The following LYST variants were observed in gnomAD, a reference collection of about 807,000 sequenced individuals.
LYST encodes lysosomal-trafficking regulator.
LYST carries 192 observed loss-of-function variants against 413.6 expected under a neutral mutation model. The observed-to-expected ratio is 0.46, with a 90% CI of 0.41 to 0.52. The LOEUF is 0.52. LYST is among the 20% of genes least tolerant of loss of function. The probability of loss-of-function intolerance (pLI) is 0.00; values close to 1 mark genes in which losing one functional copy is unlikely to be tolerated. For missense variants in LYST, 3,815 were observed against 4,499.9 expected, an observed-to-expected ratio of 0.85 and a Z score of 4.35; for synonymous variants, 1,525 against 1,567.3, an observed-to-expected ratio of 0.97 and a Z score of 0.64.
intron 1 of LYST, among the ~76,000 whole-genome samples, chr1:235,842,162 G>C (rs547586352): frequency 6.6e-6 from 1 of 152,076 alleles, no homozygotes; most frequent in African/African-American, 2.4e-5. Flanking sequence ...GGGACCCAAG[G>C]GTATGGGTGG....
At chr1:235,670,517 G>T (rs1166915576) in intron 50 of LYST, among the ~76,000 whole-genome samples, 1 of 152,156 alleles carries the variant, frequency 6.6e-6, no homozygotes, top group Non-Finnish European at 1.5e-5. Flanking sequence ...GAGGAGACGT[G>T]TCTCACTGCA....
chr1:235,778,676 C>T lies in LYST; in HGVS notation c.5215-1368G>A, dbSNP rs563233964. On this transcript the variant is annotated intron_variant, in intron 16 of 52. Coordinates refer to ENST00000389793, the MANE Select transcript of LYST (RefSeq NM_000081.4). Reference sequence around the variant, plus strand: ...TGCTGGGATTACAAGCATGAGCCACCGTGCCTGGCCTGTGCTTTATTTATG... The same window carrying T: ...TGCTGGGATTACAAGCATGAGCCACTGTGCCTGGCCTGTGCTTTATTTATG... Among the ~76,000 whole-genome samples the T allele has an allele frequency of 1.8e-4, 28 of 152,092 alleles. No individual in the cohort carries two copies. In the South Asian group the frequency reaches 5.0e-3, roughly 27 times the overall value.
chr1:235,715,536 C>A (rs945191984), intron 41 of LYST, among the ~76,000 whole-genome samples, 179 bp from the exon 42 acceptor site: 3 of 152,054 alleles, frequency 2.0e-5, no homozygotes, highest in African/African-American at 7.2e-5. Flanking sequence ...GGAGTCTTCT[C>A]CTTGGTGCCT....
intron 14 of LYST, 135 bp downstream of exon 14, chr1:235,787,062 AAAC>A: frequency 3.0e-6 from 2 of 670,298 alleles, no homozygotes; most frequent in Non-Finnish European, 5.0e-6. Context: ...ATAAAAAAAG[AAAC>A]AACAAAAAAT....
Position 235,753,370 on chromosome 1 carries a change from AAGT to A in LYST, c.7230-99_7230-97del, listed in dbSNP as rs1057485874. On this transcript the variant is annotated intron_variant, in intron 25 of 52. Transcript: ENST00000389793. ...GGGTCATCTTGCTAACTTGATTTTG[AAGT>A]CATAAAAACAAGTTGGGGGAGTAAG... 138 of 794,396 alleles carry A rather than the reference AAGT, an allele frequency of 1.7e-4. No individual in the cohort carries two copies. In the African/African-American group the frequency reaches 1.9e-3, roughly 11 times the overall value. The allele number at this position is 794,396 out of a possible 1,614,324, so 49.2% of individuals were successfully genotyped here.
intron 34 of LYST, 119 bp from the exon 35 acceptor site, chr1:235,731,296 C>A: frequency 1.2e-6 from 1 of 864,714 alleles, no homozygotes; most frequent in Non-Finnish European, 2.0e-6. Flanking sequence ...TTAAAAACTC[C>A]AAATGTTTAT....
chr1:235,877,823 T>A (rs1267318289), intron 1 of LYST, among the ~76,000 whole-genome samples: 1 of 143,844 alleles, frequency 7.0e-6, no homozygotes, highest in Non-Finnish European at 1.5e-5. Context: ...AAATGTATGA[T>A]CTATTCGGAA....
chr1:235,733,369 A>G (rs1433083580), intron 34 of LYST, 134 bp downstream of exon 34: 12 of 770,234 alleles, frequency 1.6e-5, no homozygotes, highest in South Asian at 3.3e-5. Context: ...TGAAAAAAAC[A>G]TCACAAATGA....
At chr1:235,732,723 G>A (rs79542484) in intron 34 of LYST, among the ~76,000 whole-genome samples, 6,231 of 152,150 alleles carry the variant, frequency 0.041, 423 homozygotes, top group African/African-American at 0.14. Context: ...ATATTTTCCC[G>A]TGTGTTTGGT....
rs148076658 is a variant in LYST at position 235,700,971 on chromosome 1, G to A, written c.10374+1776C>T. Among the ~76,000 whole-genome samples the A allele has an allele frequency of 9.2e-5, 14 of 152,306 alleles. No individual in the cohort carries two copies. In the East Asian group the frequency reaches 2.1e-3, roughly 23 times the overall value. ...TATACACCAAAACAAAGAAGGGGAAGGGATCTGAGGATGACGGAACAGCTG... is the reference window on the plus strand; with the variant it reads ...TATACACCAAAACAAAGAAGGGGAAAGGATCTGAGGATGACGGAACAGCTG... On this transcript the variant is annotated intron_variant, in intron 45 of 52. Transcript: ENST00000389793.
In LYST at chr1:235,791,885, T is replaced by C. The variant is rs1391535167; in HGVS notation, c.4357A>G (p.Ile1453Val). The stretch of plus-strand genomic sequence containing the variant: ...AGCAACGGCAGGTGGACTGGGGCTA[T>C]GTGCCAAGATGAAAGCAGCCGATGG... ...FPHRLLSSWH[I>V]APVHLPLLGQ... Residue 1453 changes from isoleucine (I) to valine (V), a missense_variant, in exon 12 of 53, where the codon ATA becomes GTA. This residue lies in a region of LYST where 1,648 missense variants were observed against 1,810.3 expected (regional missense o/e 0.91). Coordinates refer to ENST00000389793, the MANE Select transcript of LYST (RefSeq NM_000081.4). 6.2e-7 allele frequency: 1 copy of C among 1,614,212 alleles called. No individual in the cohort carries two copies. The highest frequency in any genetic ancestry group is 2.2e-5 in the East Asian group (1 of 44,878).
At chr1:235,879,344 A>G (rs1214645389) in intron 1 of LYST, among the ~76,000 whole-genome samples, 2 of 152,252 alleles carry the variant, frequency 1.3e-5, no homozygotes, top group Non-Finnish European at 2.9e-5. Flanking sequence ...TGAAAGCAAG[A>G]CAAATCTTTG....
Position 235,734,535 on chromosome 1 carries a change from C to T in LYST, c.8483G>A (p.Cys2828Tyr). Reference protein sequence around the residue: ...MNALKLCGHKCIPPSASTKAD... With the variant: ...MNALKLCGHKYIPPSASTKAD... ...TTTTGTTGATGCACTGGGAGGGATG[C>T]ACTTGTGACCACATAACTTCAAAGC... Residue 2828 changes from cysteine to tyrosine, a missense_variant, in exon 32 of 53, where the codon TGC (cysteine) becomes TAC (tyrosine). Cys to Tyr is a radical substitution (Grantham distance 194). This residue lies in a region of LYST where 771 missense variants were observed against 837.1 expected (regional missense o/e 0.92). Coordinates refer to ENST00000389793, the MANE Select transcript of LYST (RefSeq NM_000081.4). 1 of 1,613,628 alleles carries T rather than the reference C, an allele frequency of 6.2e-7. No individual in the cohort carries two copies. Among genetic ancestry groups the T allele is most frequent in the East Asian group, 2.2e-5 (1 of 44,820 alleles).
chr1:235,849,794 A>C (rs910686993), intron 1 of LYST, among the ~76,000 whole-genome samples: 84 of 149,302 alleles, frequency 5.6e-4, no homozygotes, highest in Admixed American at 1.6e-3. Context: ...AAAAAAAAAA[A>C]AAAACTTAGG....
At chr1:235,737,920 T>TA in intron 31 of LYST, 7 of 1,171,448 alleles carry the variant, frequency 6.0e-6, no homozygotes, top group Admixed American at 8.6e-5. Context: ...CCGACGAGTC[T>TA]GGATCTCACT....
At chr1:235,801,415 A>ACCCCC (rs113560541) in intron 8 of LYST, among the ~76,000 whole-genome samples, 4 of 149,660 alleles carry the variant, frequency 2.7e-5, no homozygotes, top group African/African-American at 9.9e-5. Context: ...AAACTTTCTG[A>ACCCCC]CCCCCCCCTC....
intron 10 of LYST, among the ~76,000 whole-genome samples, chr1:235,798,468 C>T (rs12044408): frequency 6.7e-6 from 1 of 149,680 alleles, no homozygotes; most frequent in Non-Finnish European, 1.5e-5. Context: ...AAAATAAAGT[C>T]TATTAATAAA....
chr1:235,726,975 C>T (rs1181723208), intron 38 of LYST, among the ~76,000 whole-genome samples: 1 of 152,162 alleles, frequency 6.6e-6, no homozygotes, highest in Non-Finnish European at 1.5e-5. Context: ...CTATATTTTA[C>T]TATCTGGGAC....
chr1:235,788,182 CAG>C (rs1670625752), intron 13 of LYST, among the ~76,000 whole-genome samples: 1 of 151,644 alleles, frequency 6.6e-6, no homozygotes, highest in African/African-American at 2.4e-5. Flanking sequence ...TTTTTTGAGA[CAG>C]AGTCTCACTC....
Sources: gnomAD v4.1 joint callset for allele counts (sites outside exome capture counted in the v4.1 genomes callset) on GRCh38, gnomAD v4.1.1 for gene constraint, gnomAD v4.1.1 regional missense constraint, MANE v1.5 for transcripts, NCBI Gene and HGNC (gene_info 2026-07-23, HGNC 2026-07-21) for gene names.